The following SYNE2 variants were observed in gnomAD, a reference collection of about 807,000 sequenced individuals.
SYNE2 encodes the protein nesprin-2.
In SYNE2, 431 loss-of-function variants were observed where a neutral mutation model predicts 856.3. The observed-to-expected ratio is 0.50, with a 90% CI of 0.47 to 0.55. The LOEUF (loss-of-function observed/expected upper bound fraction) is 0.55, where lower values mean the gene tolerates loss of function less well. SYNE2 is among the 20% of genes least tolerant of loss of function. The pLI is 0.00. For synonymous variants in SYNE2, 2,923 were observed against 2,872.3 expected, an observed-to-expected ratio of 1.02 and a Z score of -0.56; for missense variants, 8,129 against 8,023.2, an observed-to-expected ratio of 1.01 and a Z score of -0.50.
Position 63,982,807 on chromosome 14 carries a change from G to C in SYNE2, c.2001+13G>C. 6.2e-7 allele frequency: 1 copy of C among 1,613,104 alleles called. No homozygotes were observed. The highest frequency in any genetic ancestry group is 8.5e-7 in the Non-Finnish European group (1 of 1,179,378). Reference sequence around the variant, plus strand: ...AAAAACTCAACTTGTAAGTTCTTTTGATTGGTTGCAGCTTTATTTAGATAT... The same window carrying C: ...AAAAACTCAACTTGTAAGTTCTTTTCATTGGTTGCAGCTTTATTTAGATAT... On this transcript the variant is annotated intron_variant, in intron 17 of 115. Coordinates refer to ENST00000555002, the MANE Select transcript of SYNE2 (RefSeq NM_182914.3).
intron 90 of SYNE2, 108 bp downstream of exon 90, chr14:64,165,518 A>ATTT: frequency 4.9e-5 from 51 of 1,037,626 alleles, no homozygotes; most frequent in Middle Eastern, 3.5e-4. Flanking sequence ...ACTCACTCTT[A>ATTT]TTTTTTTTTT....
chr14:63,982,570 T>A, intron 16 of SYNE2, 60 bp from the exon 17 acceptor site: 8 of 1,414,898 alleles, frequency 5.7e-6, no homozygotes, highest in Non-Finnish European at 6.0e-6. Flanking sequence ...ACATTGATTA[T>A]ACATAATAGA....
chr14:64,010,223 A>G (rs2096833098), intron 32 of SYNE2, 107 bp downstream of exon 32: 1 of 1,229,496 alleles, frequency 8.1e-7, no homozygotes, highest in Non-Finnish European at 1.2e-6. Flanking sequence ...GTTTAAAAGA[A>G]GTTACTAGTG....
At chr14:64,126,219 A>G (rs969535749) in intron 71 of SYNE2, 108 bp from the exon 72 acceptor site, 2 of 982,698 alleles carry the variant, frequency 2.0e-6, no homozygotes, top group Non-Finnish European at 3.2e-6. Flanking sequence ...AACTTATTAC[A>G]AAAGAAGCAT....
chr14:63,957,588 A>C lies in SYNE2; in HGVS notation c.787+2673A>C, dbSNP rs139573406. The stretch of plus-strand genomic sequence containing the variant: ...TGGCCCCTTTTTGTATTTTTAAATA[A>C]ACTTCAGCGGGGCACTGTAGCTCAT... On this transcript the variant is annotated intron_variant, in intron 8 of 115. Transcript: ENST00000555002. 1.7e-3 allele frequency among the ~76,000 whole-genome samples: 262 copies of C among 152,014 alleles called. 1 individual carries two copies. Among genetic ancestry groups the C allele is most frequent in the African/African-American group, 5.8e-3 (241 of 41,508 alleles).
rs368220401 is a variant in SYNE2 at position 63,765,126 on chromosome 14, C to G, written c.-305+3140C>G. ...CGGGAGAGAGGGGGAGAAATCCCAC[C>G]TTTCCTCTTCCTTCCATCCTCTAAC... On this transcript the variant is annotated intron_variant, in intron 1 of 23. Coordinates refer to the SYNE2 transcript ENST00000674003. Among the ~76,000 whole-genome samples, 8 of 152,232 alleles carry G rather than the reference C, an allele frequency of 5.3e-5. No individual in the cohort carries two copies. In the East Asian group the frequency reaches 1.4e-3, roughly 26 times the overall value.
At chr14:63,919,534 C>G (rs371915144) in intron 2 of SYNE2, among the ~76,000 whole-genome samples, 23 of 152,022 alleles carry the variant, frequency 1.5e-4, no homozygotes, top group African/African-American at 5.1e-4. Context: ...TGGTGGTGGA[C>G]TGAATGAGAT....
intron 112 of SYNE2, among the ~76,000 whole-genome samples, chr14:64,222,344 A>G (rs939324787): frequency 2.6e-5 from 4 of 152,150 alleles, no homozygotes; most frequent in African/African-American, 7.2e-5. Context: ...TGCACTGTCT[A>G]ATAACCTCAT....
At chr14:64,218,198 T>C in intron 108 of SYNE2, 200 bp from the exon 109 acceptor site, 1 of 560,160 alleles carries the variant, frequency 1.8e-6, no homozygotes, top group Non-Finnish European at 3.3e-6. Flanking sequence ...GGGCCTTAGC[T>C]GAGGCTTTAT....
In SYNE2 at chr14:63,970,499, A is replaced by G. The variant is rs140223545; in HGVS notation, c.1128+2653A>G. Among the ~76,000 whole-genome samples the G allele has an allele frequency of 1.7e-3, 264 of 151,836 alleles. 1 individual carries two copies. The highest frequency in any genetic ancestry group is 5.8e-3 in the African/African-American group (242 of 41,448). ...AGGCATGAACCACTGTGCCTAGCCT[A>G]TCCCCTCTCTTTTAATTGTAGTGCT... On this transcript the variant is annotated intron_variant, in intron 11 of 115. Transcript: ENST00000555002.
chr14:64,183,825 A>G (rs2098474308), intron 96 of SYNE2, among the ~76,000 whole-genome samples: 1 of 151,972 alleles, frequency 6.6e-6, no homozygotes, highest in African/African-American at 2.4e-5. Flanking sequence ...CTGAGGCAGG[A>G]GAATCAGGCA....
chr14:64,142,885 C>T (rs983068061), intron 82 of SYNE2, among the ~76,000 whole-genome samples: 7 of 152,182 alleles, frequency 4.6e-5, no homozygotes, highest in African/African-American at 9.7e-5. Context: ...CACATGCAAA[C>T]GTGTATTGTG....
intron 45 of SYNE2, among the ~76,000 whole-genome samples, chr14:64,038,139 A>G (rs2097113156): frequency 6.6e-6 from 1 of 151,556 alleles, no homozygotes; most frequent in African/African-American, 2.4e-5. Flanking sequence ...CCGGCCGGGC[A>G]GAGGCGCTCC....
rs781100514 is a variant in SYNE2 at position 64,089,579 on chromosome 14, G to T, written c.11676G>T (p.Val3892=). The T allele has an allele frequency of 2.5e-6, 4 of 1,609,080 alleles. No individual in the cohort carries two copies. Among genetic ancestry groups the T allele is most frequent in the African/African-American group, 1.3e-5 (1 of 74,794 alleles). Residue 3892 remains valine (V), a synonymous_variant, in exon 59 of 116, where the codon GTG becomes GTT. Coordinates refer to ENST00000555002, the MANE Select transcript of SYNE2 (RefSeq NM_182914.3). ...GTGTTCTTCTGAAATTCTAGGATGT[G>T]GTTGCTATTGAATCTGAAGTAAAAT... ...LPQIQRMADD[V]VAIESEVKSM...
chr14:64,197,402 G>C (rs1318182045), intron 99 of SYNE2, among the ~76,000 whole-genome samples: 1 of 152,184 alleles, frequency 6.6e-6, no homozygotes, highest in Non-Finnish European at 1.5e-5. Flanking sequence ...GACGTGTATT[G>C]TAATGCCTCT....
chr14:64,193,623 T>C (rs907750217), intron 99 of SYNE2, among the ~76,000 whole-genome samples: 1 of 152,122 alleles, frequency 6.6e-6, no homozygotes, highest in Admixed American at 6.5e-5. Flanking sequence ...ACTATAAAAC[T>C]AACTTCAAGG....
chr14:63,907,996 T>C (rs1010547217), intron 1 of SYNE2, among the ~76,000 whole-genome samples: 3 of 152,178 alleles, frequency 2.0e-5, no homozygotes, highest in Admixed American at 6.6e-5. Flanking sequence ...ATATGGATGA[T>C]AAACAGAGGG....
At chr14:64,159,501 A>G (rs1473622369) in intron 87 of SYNE2, 59 bp downstream of exon 87, 1 of 1,588,470 alleles carries the variant, frequency 6.3e-7, no homozygotes, top group Non-Finnish European at 8.6e-7. Context: ...CTTGTGAAGA[A>G]TGAGGGGGCA....
At chr14:64,142,389 A>C (rs2098145668) in intron 82 of SYNE2, among the ~76,000 whole-genome samples, 1 of 152,064 alleles carries the variant, frequency 6.6e-6, no homozygotes, top group East Asian at 1.9e-4. Flanking sequence ...TGACAGAGTG[A>C]TTTTGATTCC....
Sources: allele counts gnomAD v4.1 joint callset (sites outside exome capture counted in the v4.1 genomes callset), GRCh38; gene constraint gnomAD v4.1.1; transcripts MANE v1.5; gene names NCBI Gene and HGNC (gene_info 2026-07-23, HGNC 2026-07-21).